The following MPDZ variants were observed in gnomAD, a reference collection of about 807,000 sequenced individuals.
MPDZ encodes the protein multiple PDZ domain crumbs cell polarity complex component.
A neutral mutation model predicts 239.1 loss-of-function variants in MPDZ; 234 were observed. The observed-to-expected ratio is 0.98, with a 90% CI of 0.88 to 1.09. The LOEUF (loss-of-function observed/expected upper bound fraction) is 1.09, where lower values mean the gene tolerates loss of function less well. Among genes scored for constraint, MPDZ ranks in the 50% least tolerant of loss-of-function variants. MPDZ has a pLI of 0.00. For synonymous variants in MPDZ, 1,048 were observed against 881.3 expected (o/e 1.19, Z -3.35); for missense variants, 3,175 against 2,510.0 (o/e 1.26, Z -5.66).
intron 6 of MPDZ, 77 bp from the exon 7 acceptor site, chr9:13,221,577 C>A (rs747841181): frequency 2.0e-6 from 3 of 1,483,256 alleles, no homozygotes; most frequent in South Asian, 2.8e-5. Flanking sequence ...GAAATTTTTG[C>A]GATTATTTTG....
chr9:13,212,528 C>G (rs1470262170), intron 10 of MPDZ, among the ~76,000 whole-genome samples: 1 of 151,804 alleles, frequency 6.6e-6, no homozygotes, highest in African/African-American at 2.4e-5. Flanking sequence ...GAGCCAAAGT[C>G]ACGAAGCCTA....
At chr9:13,167,501 G>C (rs1563945117) in intron 22 of MPDZ, among the ~76,000 whole-genome samples, 1 of 152,000 alleles carries the variant, frequency 6.6e-6, no homozygotes. Flanking sequence ...TACATACTTT[G>C]CAAAAGGACT....
chr9:13,259,549 A>T (rs997948456), intron 1 of MPDZ, among the ~76,000 whole-genome samples: 1 of 152,122 alleles, frequency 6.6e-6, no homozygotes, highest in African/African-American at 2.4e-5. Context: ...ATACAAGAAC[A>T]CAAAGGAGGG....
At position 13,190,150 on chromosome 9, in the gene MPDZ, C is replaced by T; in HGVS notation, c.2118G>A (p.Gly706=). The T allele has an allele frequency of 6.2e-7, 1 of 1,613,182 alleles. No homozygotes were observed. Among genetic ancestry groups the T allele is most frequent in the Non-Finnish European group, 8.5e-7 (1 of 1,179,522 alleles). Residue 706 remains glycine, a synonymous_variant, in exon 16 of 47, where the codon GGG becomes GGA. Transcript: ENST00000319217. ...AAATGCTAAAACCAAGTCCTTTGCT[C>T]CCTTTCTCCAGCTCTATGTGCTGAA... ...AGIQHIELEK[G]SKGLGFSILD...
At chr9:13,124,680 C>T (rs147516390) in intron 35 of MPDZ, among the ~76,000 whole-genome samples, 1 of 152,070 alleles carries the variant, frequency 6.6e-6, no homozygotes, top group African/African-American at 2.4e-5. Context: ...CACTATTACA[C>T]CTAAAGCATA....
At chr9:13,191,975 T>A (rs1954988942) in intron 15 of MPDZ, among the ~76,000 whole-genome samples, 156 bp downstream of exon 15, 1 of 152,194 alleles carries the variant, frequency 6.6e-6, no homozygotes, top group South Asian at 2.1e-4. Context: ...TCAAGTCTGA[T>A]TCAAACCCAG....
intron 1 of MPDZ, chr9:13,274,701 T>C (rs1256356788): frequency 6.6e-6 from 1 of 152,032 alleles, no homozygotes; most frequent in East Asian, 1.9e-4. Flanking sequence ...GAAACATTTC[T>C]GAAGGAAAAA....
chr9:13,225,394 T>C (rs907729686), intron 3 of MPDZ, among the ~76,000 whole-genome samples: 2 of 151,902 alleles, frequency 1.3e-5, no homozygotes, highest in African/African-American at 4.8e-5. Context: ...AAGTTACCAA[T>C]AACTCAACCA....
At chr9:13,254,103 C>G (rs1197869547) in intron 1 of MPDZ, among the ~76,000 whole-genome samples, 3 of 152,104 alleles carry the variant, frequency 2.0e-5, no homozygotes, top group Non-Finnish European at 4.4e-5. Flanking sequence ...TCAAATAGAC[C>G]ATGCTCTACA....
intron 1 of MPDZ, among the ~76,000 whole-genome samples, chr9:13,260,451 G>T (rs192505550): frequency 2.4e-4 from 36 of 152,286 alleles, no homozygotes; most frequent in Non-Finnish European, 4.3e-4. Flanking sequence ...ACATGTCAGT[G>T]TTGTGACTAT....
chr9:13,123,055 C>T, intron 36 of MPDZ, 98 bp downstream of exon 36: 1 of 1,277,242 alleles, frequency 7.8e-7, no homozygotes, highest in African/African-American at 1.5e-5. Context: ...TCGGCCTTCA[C>T]ATTTCCTTTA....
At chr9:13,277,668 G>A (rs1481495870) in intron 1 of MPDZ, among the ~76,000 whole-genome samples, 3 of 152,106 alleles carry the variant, frequency 2.0e-5, no homozygotes, top group African/African-American at 4.8e-5. Flanking sequence ...GGGTTCAAGC[G>A]ATTCTCCTGC....
chr9:13,161,733 CATGGAA>C (rs988767868), intron 23 of MPDZ, among the ~76,000 whole-genome samples: 14 of 152,208 alleles, frequency 9.2e-5, no homozygotes, highest in African/African-American at 3.4e-4. Context: ...GTACATTCTT[CATGGAA>C]AAGCAGTTTG....
intron 27 of MPDZ, among the ~76,000 whole-genome samples, chr9:13,141,952 T>C (rs1416524008): frequency 1.3e-5 from 2 of 152,138 alleles, no homozygotes; most frequent in South Asian, 2.1e-4. Context: ...AAATTAATAA[T>C]ATACCAATAA....
intron 46 of MPDZ, 48 bp downstream of exon 46, chr9:13,108,888 T>G (rs1941934442): frequency 6.3e-7 from 1 of 1,589,246 alleles, no homozygotes; most frequent in Non-Finnish European, 8.6e-7. Context: ...TGACCACTAT[T>G]AATGAATGTT....
intron 17 of MPDZ, among the ~76,000 whole-genome samples, chr9:13,186,869 A>T (rs1954179151): frequency 6.6e-6 from 1 of 152,184 alleles, no homozygotes; most frequent in African/African-American, 2.4e-5. Context: ...ATTTTAAAGA[A>T]TCCAATTTAC....
At chr9:13,246,405 G>A (rs1377235541) in intron 3 of MPDZ, among the ~76,000 whole-genome samples, 1 of 152,162 alleles carries the variant, frequency 6.6e-6, no homozygotes, top group Non-Finnish European at 1.5e-5. Context: ...TGGTGCCACT[G>A]CACTGCAACC....
Position 13,198,737 on chromosome 9 carries a change from C to CTCTGTGTGTGTGTG in MPDZ, c.1547-2508_1547-2507insCACACACACACAGA, listed in dbSNP as rs755487892. On this transcript the variant is annotated intron_variant, in intron 12 of 46. Coordinates refer to ENST00000319217, the MANE Select transcript of MPDZ (RefSeq NM_001378778.1). ...ATATTTAGGTCTTTAATCTCTCTCTCTGTGTGTGTGTGTGTGTGTGTGTGT... is the reference window on the plus strand; with the variant it reads ...ATATTTAGGTCTTTAATCTCTCTCTCTCTGTGTGTGTGTGTGTGTGTGTGTGTGTGTGTGTGTGT... 2.3e-3 allele frequency among the ~76,000 whole-genome samples: 163 copies of CTCTGTGTGTGTGTG among 69,768 alleles called. 2 individuals carry two copies. Among genetic ancestry groups the CTCTGTGTGTGTGTG allele is most frequent in the South Asian group, 0.012 (24 of 2,086 alleles). 45.8% of individuals were successfully genotyped at this position (69,768 alleles called of 152,430 possible). A position where few individuals can be genotyped will look rare whatever the true frequency, so the allele number is the denominator to read the frequency against.
At chr9:13,258,425 G>A (rs1253826821) in intron 1 of MPDZ, among the ~76,000 whole-genome samples, 3 of 152,190 alleles carry the variant, frequency 2.0e-5, no homozygotes. Context: ...TGTCAGAGTT[G>A]CTCAGCATCT....
Sources: gnomAD v4.1 joint callset for allele counts (sites outside exome capture counted in the v4.1 genomes callset) on GRCh38, gnomAD v4.1.1 for gene constraint, MANE v1.5 for transcripts, NCBI Gene and HGNC (gene_info 2026-07-23, HGNC 2026-07-21) for gene names.